The following RAD51B variants were observed in gnomAD, a reference collection of about 807,000 sequenced individuals.
The protein encoded by RAD51B is RAD51 paralog B.
In RAD51B, 38 loss-of-function variants were observed where a neutral mutation model predicts 42.2. The ratio of observed to expected loss-of-function variants is 0.90; its 90% CI spans 0.70 to 1.18. The LOEUF is 1.18. Ranked by LOEUF, RAD51B falls within the 50% of genes most tolerant of loss-of-function variation. The probability of loss-of-function intolerance (pLI) is 0.00; values close to 1 mark genes in which losing one functional copy is unlikely to be tolerated. For synonymous variants in RAD51B, 154 were observed against 145.2 expected (o/e 1.06, Z -0.43); for missense variants, 373 against 400.7 (o/e 0.93, Z 0.59).
At position 68,256,090 on chromosome 14, in the gene RAD51B, A is replaced by C. The variant is rs74058869; in HGVS notation, c.757-35794A>C. Among the ~76,000 whole-genome samples the C allele has an allele frequency of 5.6e-3, 859 of 152,344 alleles. 9 individuals are homozygous for C. Among genetic ancestry groups the C allele is most frequent in the African/African-American group, 0.019 (808 of 41,576 alleles). ...TATTATACTGTGGTCAGTGGAAGAAATATGTGCTGCACCTTACCTCTGACT... is the reference window on the plus strand; with the variant it reads ...TATTATACTGTGGTCAGTGGAAGAACTATGTGCTGCACCTTACCTCTGACT... On this transcript the variant is annotated intron_variant, in intron 7 of 10. Coordinates refer to ENST00000471583, the MANE Select transcript of RAD51B (RefSeq NM_133510.4).
chr14:67,938,637 A>G (rs2140174253), intron 7 of RAD51B, among the ~76,000 whole-genome samples: 1 of 152,314 alleles, frequency 6.6e-6, no homozygotes, highest in Admixed American at 6.5e-5. Context: ...CATTTTGTGT[A>G]TAGTTTGCTT....
intron 8 of RAD51B, among the ~76,000 whole-genome samples, chr14:68,365,310 C>T (rs1193527582): frequency 1.3e-5 from 2 of 152,204 alleles, no homozygotes; most frequent in Non-Finnish European, 1.5e-5. Context: ...TGATCTCTAC[C>T]CACACCCTGG....
chr14:68,673,931 A>G (rs577885877), intron 11 of RAD51B, among the ~76,000 whole-genome samples: 51 of 150,918 alleles, frequency 3.4e-4, no homozygotes, highest in African/African-American at 1.0e-3. Flanking sequence ...GTATATGTGC[A>G]CACACACACA....
At chr14:68,025,228 C>T (rs1395922690) in intron 7 of RAD51B, among the ~76,000 whole-genome samples, 1 of 152,078 alleles carries the variant, frequency 6.6e-6, no homozygotes, top group Non-Finnish European at 1.5e-5. Context: ...TTTTGATATG[C>T]TGCTGGATTC....
At chr14:68,551,341 C>T (rs1342477139) in intron 10 of RAD51B, among the ~76,000 whole-genome samples, 1 of 152,220 alleles carries the variant, frequency 6.6e-6, no homozygotes, top group Non-Finnish European at 1.5e-5. Flanking sequence ...CCCCAAGTCG[C>T]GTCCCTCGCA....
exon 11 of RAD51B, chr14:68,595,123 A>G: frequency 9.4e-7 from 1 of 1,067,018 alleles, no homozygotes; most frequent in Middle Eastern, 4.2e-4. Context: ...TAAATGCCTC[A>G]GCATGTTAGG....
intron 10 of RAD51B, among the ~76,000 whole-genome samples, chr14:68,504,068 G>A (rs1885108459): frequency 6.6e-6 from 1 of 152,196 alleles, no homozygotes; most frequent in East Asian, 1.9e-4. Flanking sequence ...TTCTGAAGTC[G>A]GTAGATGCAC....
chr14:68,518,559 C>CG (rs911440672), intron 10 of RAD51B, among the ~76,000 whole-genome samples: 8 of 150,818 alleles, frequency 5.3e-5, no homozygotes, highest in Non-Finnish European at 1.2e-4. Context: ...TATGAGCCCC[C>CG]CCCCCAGGCC....
intron 7 of RAD51B, among the ~76,000 whole-genome samples, chr14:67,933,795 G>T (rs1248979776): frequency 6.6e-6 from 1 of 152,104 alleles, no homozygotes; most frequent in Non-Finnish European, 1.5e-5. Context: ...GTTCTTTCTG[G>T]AGAGGGTGAG....
intron 7 of RAD51B, among the ~76,000 whole-genome samples, chr14:68,104,651 C>A (rs946761798): frequency 6.6e-6 from 1 of 152,140 alleles, no homozygotes; most frequent in Admixed American, 6.6e-5. Context: ...AGGGTTATCT[C>A]CAGACATTGT....
chr14:68,616,100 A>T (rs538130489), downstream of RAD51B, among the ~76,000 whole-genome samples: 3 of 152,272 alleles, frequency 2.0e-5, no homozygotes, highest in Non-Finnish European at 4.4e-5. Flanking sequence ...TTGCTGCTAT[A>T]AATTTTATTT....
At chr14:67,914,548 A>G (rs2044089580) in intron 7 of RAD51B, among the ~76,000 whole-genome samples, 1 of 152,142 alleles carries the variant, frequency 6.6e-6, no homozygotes, top group Non-Finnish European at 1.5e-5. Flanking sequence ...TTTGCCATGC[A>G]TAAATTTTTA....
Position 67,820,788 on chromosome 14 carries a change from T to C in RAD51B, c.-3+935T>C, listed in dbSNP as rs570246296. The stretch of plus-strand genomic sequence containing the variant: ...TTAAATGATGATTGCTGACCTTAAG[T>C]ACTATGTGCCACGCACTCCCCGAGT... On this transcript the variant is annotated intron_variant, in intron 1 of 10. Transcript: ENST00000471583. 2.0e-5 allele frequency among the ~76,000 whole-genome samples: 3 copies of C among 152,256 alleles called. No individual in the cohort carries two copies. The South Asian group carries it at 6.2e-4, about 32-fold the overall frequency.
At chr14:68,458,534 A>G (rs2085761592) in intron 9 of RAD51B, among the ~76,000 whole-genome samples, 1 of 152,080 alleles carries the variant, frequency 6.6e-6, no homozygotes, top group Admixed American at 6.6e-5. Flanking sequence ...GATGTGTTAT[A>G]TTATAGGTAA....
At chr14:67,915,089 G>A (rs1410761706) in intron 7 of RAD51B, among the ~76,000 whole-genome samples, 1 of 152,202 alleles carries the variant, frequency 6.6e-6, no homozygotes, top group Non-Finnish European at 1.5e-5. Context: ...GGGGAAGTTA[G>A]AGGGTGGGCA....
At position 68,212,878 on chromosome 14, in the gene RAD51B, C is replaced by T. The variant is rs146654647; in HGVS notation, c.757-79006C>T. Among the ~76,000 whole-genome samples, 75 of 152,226 alleles carry T rather than the reference C, an allele frequency of 4.9e-4. 1 individual carries two copies. In the East Asian group the frequency reaches 6.2e-3, roughly 13 times the overall value. ...TTCATCTTATTGGTTATGGAAATGT[C>T]AAGGGATAGATTTTTATTTCTGGGA... On this transcript the variant is annotated intron_variant, in intron 7 of 10. Transcript: ENST00000471583.
chr14:67,909,624 TA>T (rs1566953237), intron 7 of RAD51B, among the ~76,000 whole-genome samples: 1 of 152,104 alleles, frequency 6.6e-6, no homozygotes, highest in African/African-American at 2.4e-5. Flanking sequence ...GTGTAGTCAC[TA>T]AAAATAATGA....
intron 7 of RAD51B, among the ~76,000 whole-genome samples, chr14:67,929,451 T>TA (rs1456184778): frequency 1.3e-5 from 2 of 152,200 alleles, no homozygotes; most frequent in Non-Finnish European, 2.9e-5. Flanking sequence ...TGATCTAAGA[T>TA]ACTTGATATG....
intron 9 of RAD51B, among the ~76,000 whole-genome samples, chr14:68,463,398 C>T (rs2085895122): frequency 6.6e-6 from 1 of 152,058 alleles, no homozygotes; most frequent in South Asian, 2.1e-4. Context: ...CAATGTGCAT[C>T]TTCATATAGT....
Sources: allele counts gnomAD v4.1 joint callset (sites outside exome capture counted in the v4.1 genomes callset), GRCh38; gene constraint gnomAD v4.1.1; transcripts MANE v1.5; gene names NCBI Gene and HGNC (gene_info 2026-07-23, HGNC 2026-07-21).